EPM2A: variants seen among roughly 807,000 people sequenced by gnomAD.
EPM2A encodes EPM2A glucan phosphatase, laforin.
In EPM2A, 21 loss-of-function variants were observed where a neutral mutation model predicts 26.5. That is an observed-to-expected ratio of 0.79 (90% CI 0.56 to 1.14). The LOEUF (loss-of-function observed/expected upper bound fraction) is 1.14. Among genes scored for constraint, EPM2A ranks in the 50% most tolerant of loss-of-function variants. EPM2A has a pLI of 0.00. For synonymous variants in EPM2A, 217 were observed against 177.6 expected, an observed-to-expected ratio of 1.22 and a Z score of -1.76; for missense variants, 458 against 440.8, an observed-to-expected ratio of 1.04 and a Z score of -0.35.
At chr6:145,490,918 G>A (rs1485253117) in intron 4 of EPM2A, 15 of 741,196 alleles carry the variant, frequency 2.0e-5, no homozygotes, top group Non-Finnish European at 3.5e-5. Context: ...AATCATTAGA[G>A]GAACTTGTGT....
Position 145,419,189 on chromosome 6 carries a change from C to A in EPM2A, c.556-35092G>T, listed in dbSNP as rs546122115. Among the ~76,000 whole-genome samples, 33 of 150,390 alleles carry A rather than the reference C, an allele frequency of 2.2e-4. 1 individual carries two copies. The highest frequency in any genetic ancestry group is 6.4e-4 in the African/African-American group (26 of 40,862). ...CAAATTCTGTTAAATGTCCCCCCCC[C>A]CCGCTCCTTTCCCCAGCAGCGCATG... is the stretch of plus-strand genomic sequence containing the variant. On this transcript the variant is annotated intron_variant, in intron 4 of 4. Transcript: ENST00000638717.
intron 4 of EPM2A, among the ~76,000 whole-genome samples, chr6:145,466,310 A>G (rs1337163844): frequency 8.5e-5 from 13 of 152,058 alleles, no homozygotes; most frequent in Non-Finnish European, 1.6e-4. Context: ...AAAACAAACA[A>G]CCCCATCAAA....
rs1562409988 is a variant in EPM2A at position 145,626,388 on chromosome 6, T to C, written c.*1028A>G. On this transcript the variant is annotated 3_prime_UTR_variant, in exon 4 of 4. Transcript: ENST00000367519. Reference sequence around the variant, plus strand: ...GATTTGGTCATTTGGGCTCTTTTGGTAGTATAGTTCCTCTCATGAATTTCC... The same window carrying C: ...GATTTGGTCATTTGGGCTCTTTTGGCAGTATAGTTCCTCTCATGAATTTCC... 4 of 985,924 alleles carry C rather than the reference T, an allele frequency of 4.1e-6. No individual in the cohort carries two copies. Among genetic ancestry groups the C allele is most frequent in the South Asian group, 4.7e-5 (1 of 21,288 alleles). 61.1% of individuals were successfully genotyped at this position (985,924 alleles called of 1,614,324 possible). A position where few individuals can be genotyped will look rare whatever the true frequency, so the allele number is the denominator to read the frequency against.
chr6:145,390,373 A>G (rs1310581406), intron 4 of EPM2A, among the ~76,000 whole-genome samples: 1 of 152,066 alleles, frequency 6.6e-6, no homozygotes, highest in Admixed American at 6.5e-5. Context: ...TAATGTTCGA[A>G]CAAGTATCTG....
At chr6:145,422,595 A>G (rs1778803499) in intron 4 of EPM2A, among the ~76,000 whole-genome samples, 1 of 152,050 alleles carries the variant, frequency 6.6e-6, no homozygotes, top group Non-Finnish European at 1.5e-5. Flanking sequence ...TCTCAAAAAA[A>G]CTGACCTCAC....
chr6:145,690,643 A>T (rs983474260), intron 1 of EPM2A, among the ~76,000 whole-genome samples: 1 of 152,036 alleles, frequency 6.6e-6, no homozygotes, highest in Non-Finnish European at 1.5e-5. Context: ...ATGGAAAAAA[A>T]AAAAGATGCC....
chr6:145,434,844 T>C (rs1380328304), intron 4 of EPM2A, among the ~76,000 whole-genome samples: 1 of 152,176 alleles, frequency 6.6e-6, no homozygotes, highest in East Asian at 1.9e-4. Context: ...CATGTTGAAA[T>C]GTAATCCCTA....
chr6:145,654,774 A>G (rs1778141642), intron 2 of EPM2A, among the ~76,000 whole-genome samples: 1 of 152,204 alleles, frequency 6.6e-6, no homozygotes, highest in Admixed American at 6.5e-5. Flanking sequence ...TAATATTAAC[A>G]CAAAATCTAT....
chr6:145,465,850 T>G lies in EPM2A; in HGVS notation c.555+36672A>C, dbSNP rs1232186111. 2.0e-5 allele frequency among the ~76,000 whole-genome samples: 3 copies of G among 152,062 alleles called. No individual in the cohort carries two copies. The South Asian group carries it at 6.2e-4, about 32-fold the overall frequency. ...ATAACGCCGCATATCTACAACTATCTGATCTTTGACAAACCTGAGAAAAAC... is the reference window on the plus strand; with the variant it reads ...ATAACGCCGCATATCTACAACTATCGGATCTTTGACAAACCTGAGAAAAAC... On this transcript the variant is annotated intron_variant, in intron 4 of 4. Coordinates refer to the EPM2A transcript ENST00000638717.
intron 4 of EPM2A, among the ~76,000 whole-genome samples, chr6:145,430,157 A>C (rs978975258): frequency 1.3e-5 from 2 of 152,072 alleles, no homozygotes; most frequent in African/African-American, 2.4e-5. Flanking sequence ...GCACCATTGC[A>C]CTCCAGCCTG....
chr6:145,545,812 C>T (rs1478268621), intron 2 of EPM2A, among the ~76,000 whole-genome samples: 4 of 152,126 alleles, frequency 2.6e-5, no homozygotes, highest in African/African-American at 9.7e-5. Flanking sequence ...AAACTCTTTC[C>T]CAACTAAGCT....
intron 2 of EPM2A, among the ~76,000 whole-genome samples, chr6:145,506,397 C>T (rs1460218404): frequency 1.3e-5 from 2 of 151,880 alleles, no homozygotes; most frequent in Non-Finnish European, 1.5e-5. Flanking sequence ...ACAACAGACG[C>T]CTTAGACATG....
downstream of EPM2A, among the ~76,000 whole-genome samples, chr6:145,623,031 G>T (rs1180443085): frequency 6.6e-6 from 1 of 152,148 alleles, no homozygotes; most frequent in Non-Finnish European, 1.5e-5. Flanking sequence ...GAATGATAAG[G>T]TAGACTGATA....
At chr6:145,560,618 T>C (rs1780791012) in intron 2 of EPM2A, among the ~76,000 whole-genome samples, 1 of 152,170 alleles carries the variant, frequency 6.6e-6, no homozygotes, top group African/African-American at 2.4e-5. Flanking sequence ...CAAATTAATT[T>C]CCAGTTAATT....
intron 2 of EPM2A, among the ~76,000 whole-genome samples, chr6:145,603,397 A>G (rs1278743059): frequency 1.3e-5 from 2 of 151,962 alleles, no homozygotes; most frequent in African/African-American, 4.8e-5. Flanking sequence ...GTTCTTTTGT[A>G]TGTGCTCTGG....
intron 2 of EPM2A, chr6:145,670,963 A>G: frequency 2.0e-6 from 2 of 984,616 alleles, no homozygotes; most frequent in African/African-American, 3.5e-5. Flanking sequence ...TTTCCTACTG[A>G]TATGAACAAT....
chr6:145,492,860 AG>A (rs1377283544), intron 4 of EPM2A, among the ~76,000 whole-genome samples: 1 of 152,168 alleles, frequency 6.6e-6, no homozygotes, highest in African/African-American at 2.4e-5. Flanking sequence ...GATTGGGGGC[AG>A]GGCAGGCCAT....
At position 145,474,456 on chromosome 6, in the gene EPM2A, C is replaced by T. The variant is rs139027735; in HGVS notation, c.555+28066G>A. Among the ~76,000 whole-genome samples the T allele has an allele frequency of 3.1e-3, 476 of 151,892 alleles. 3 individuals are homozygous for T. The highest frequency in any genetic ancestry group is 0.011 in the African/African-American group (452 of 41,444). The stretch of plus-strand genomic sequence containing the variant: ...CAACCTGGGTGACAGAGAGAGACTC[C>T]ATCTCAAAAAAACTAAAACTAAAAT... On this transcript the variant is annotated intron_variant, in intron 4 of 4. Transcript: ENST00000638717.
chr6:145,610,852 T>C lies in EPM2A; in HGVS notation c.340+24393A>G, dbSNP rs115173226. ...GATCAGGACCTGAGCACTCACTGTATCCTTTTGTGTGTAAGGAATCAACCC... is the reference window on the plus strand; with the variant it reads ...GATCAGGACCTGAGCACTCACTGTACCCTTTTGTGTGTAAGGAATCAACCC... On this transcript the variant is annotated intron_variant, in intron 2 of 3. Transcript: ENST00000450221. Among the ~76,000 whole-genome samples, 247 of 152,348 alleles carry C rather than the reference T, an allele frequency of 1.6e-3. 3 individuals carry two copies. Among genetic ancestry groups the C allele is most frequent in the African/African-American group, 5.7e-3 (235 of 41,584 alleles).
Sources: gnomAD v4.1 joint callset for allele counts (sites outside exome capture counted in the v4.1 genomes callset) on GRCh38, gnomAD v4.1.1 for gene constraint, MANE v1.5 for transcripts, NCBI Gene and HGNC (gene_info 2026-07-23, HGNC 2026-07-21) for gene names.